The following LOC131768270 variants were observed in gnomAD, a reference collection of about 807,000 sequenced individuals.
the LOC131768270 span, chr5:140,568,105 C>T: frequency 2.2e-5 from 35 of 1,613,694 alleles, no homozygotes; most frequent in Non-Finnish European, 2.8e-5. Context: ...CCACATTGCT[C>T]ATTGGCCTGG....
the LOC131768270 span, chr5:140,567,385 C>T: frequency 4.7e-5 from 76 of 1,614,082 alleles, no homozygotes; most frequent in Non-Finnish European, 6.3e-5. Flanking sequence ...TTCTGGTAGG[C>T]TGGCAAGCAT....
At chr5:140,566,970 C>T in the LOC131768270 span, 1 of 813,132 alleles carries the variant, frequency 1.2e-6, no homozygotes, top group East Asian at 2.7e-5. Flanking sequence ...GGACTCGCCC[C>T]AAGACTGTGG....
the LOC131768270 span, chr5:140,567,559 C>T: frequency 6.2e-7 from 1 of 1,614,218 alleles, no homozygotes; most frequent in South Asian, 1.1e-5. Flanking sequence ...CTGTGCTCTA[C>T]TGCCTCTGCC....
At chr5:140,568,574 C>T in the LOC131768270 span, 788 of 250,542 alleles carry the variant, frequency 3.1e-3, 4 homozygotes, top group African/African-American at 0.017. Flanking sequence ...TAGTCCAGCC[C>T]AGCCATGGTG....
chr5:140,565,535 G>C, the LOC131768270 span: 1 of 174,978 alleles, frequency 5.7e-6, no homozygotes, highest in African/African-American at 2.4e-5. Flanking sequence ...CTTTCAAGGA[G>C]CTCATAATGG....
the LOC131768270 span, among the ~76,000 whole-genome samples, chr5:140,566,344 CTATGGT>C: frequency 2.0e-5 from 3 of 152,232 alleles, no homozygotes; most frequent in Admixed American, 2.0e-4. Flanking sequence ...CGGTGGAGTT[CTATGGT>C]TGGAGCTTTC....
chr5:140,567,918 C>G, the LOC131768270 span: 1 of 1,614,212 alleles, frequency 6.2e-7, no homozygotes, highest in Non-Finnish European at 8.5e-7. Flanking sequence ...GAAGGTTTCT[C>G]AGGATGGGCA....
the LOC131768270 span, chr5:140,566,611 G>A: frequency 6.8e-6 from 3 of 440,172 alleles, no homozygotes; most frequent in East Asian, 1.0e-4. Flanking sequence ...TTCCTGGCTG[G>A]CTATGTGGTG....
the LOC131768270 span, chr5:140,565,057 C>T: frequency 5.0e-6 from 2 of 397,406 alleles, no homozygotes; most frequent in South Asian, 2.8e-4. Context: ...CCGTGGATCC[C>T]CCAGATGTCC....
the LOC131768270 span, chr5:140,566,808 G>A: frequency 5.0e-6 from 3 of 602,334 alleles, no homozygotes; most frequent in Non-Finnish European, 5.9e-6. Context: ...CAGCCTTCAG[G>A]TGGAGACACT....
chr5:140,567,990 G>A, the LOC131768270 span: 10 of 1,614,110 alleles, frequency 6.2e-6, no homozygotes, highest in Non-Finnish European at 8.5e-6. Context: ...ATGAAGCATG[G>A]CAGCAGCATC....
chr5:140,567,384 G>T, the LOC131768270 span: 1 of 1,614,190 alleles, frequency 6.2e-7, no homozygotes, highest in Non-Finnish European at 8.5e-7. Context: ...CTTCTGGTAG[G>T]CTGGCAAGCA....
At chr5:140,566,473 C>G in the LOC131768270 span, 4 of 399,874 alleles carry the variant, frequency 1.0e-5, no homozygotes, top group Non-Finnish European at 1.8e-5. Context: ...TGAGGAGGAG[C>G]TGGTGGTGGA....
At chr5:140,566,790 G>T in the LOC131768270 span, 1 of 599,588 alleles carries the variant, frequency 1.7e-6, no homozygotes, top group South Asian at 2.0e-5. Context: ...GAGGCAGGAT[G>T]AGCAGCTCAG....
chr5:140,566,711 G>A, the LOC131768270 span: 1 of 579,578 alleles, frequency 1.7e-6, no homozygotes, highest in Non-Finnish European at 3.1e-6. Flanking sequence ...TGCCCAACGT[G>A]GAGAAGACAT....
the LOC131768270 span, chr5:140,565,016 G>A: frequency 5.0e-6 from 2 of 398,550 alleles, no homozygotes; most frequent in African/African-American, 4.1e-5. Context: ...GTGGAGTGGT[G>A]TGGGGAGAGC....
the LOC131768270 span, chr5:140,567,400 C>T: frequency 2.5e-6 from 4 of 1,614,178 alleles, no homozygotes; most frequent in Admixed American, 1.7e-5. Context: ...AAGCATGGCC[C>T]CAGGGGCCCC....
chr5:140,566,364 C>T, the LOC131768270 span, among the ~76,000 whole-genome samples: 1 of 152,080 alleles, frequency 6.6e-6, no homozygotes, highest in Non-Finnish European at 1.5e-5. Context: ...AGCTTTCTGA[C>T]CCCAGGGTTC....
chr5:140,564,888 G>C, the LOC131768270 span: 2 of 405,466 alleles, frequency 4.9e-6, no homozygotes, highest in East Asian at 3.5e-5. This position sits in a 1 kb window ranked among gnomAD's most constrained non-coding sequence, Gnocchi z 5.0. Flanking sequence ...ATCTGCAGCC[G>C]GGCGTGGTCT....
Sources: gnomAD v4.1 joint callset for allele counts (sites outside exome capture counted in the v4.1 genomes callset) on GRCh38, gnomAD v4.1.1 for gene constraint, Gnocchi (gnomAD v3.1) non-coding constraint, MANE v1.5 for transcripts.